The following RBM6 variants were observed in gnomAD, a reference collection of about 807,000 sequenced individuals.
RBM6 encodes the protein RNA binding motif protein 6, also known as RNA-binding protein 6.
A neutral mutation model predicts 140.4 loss-of-function variants in RBM6; 23 were observed. The ratio of observed to expected loss-of-function variants is 0.16; its 90% CI spans 0.12 to 0.23. RBM6 has a LOEUF of 0.23. Among genes scored for constraint, RBM6 ranks in the 10% least tolerant of loss-of-function variants. The pLI, the probability that RBM6 is intolerant of heterozygous loss-of-function variation, is 1.00. For missense variants in RBM6, 1,139 were observed against 1,386.7 expected (o/e 0.82, Z 2.84); for synonymous variants, 439 against 475.6 (o/e 0.92, Z 1.00).
At chr3:50,007,370 A>G (rs1559578154) in intron 6 of RBM6, among the ~76,000 whole-genome samples, 1 of 150,562 alleles carries the variant, frequency 6.6e-6, no homozygotes, top group Non-Finnish European at 1.5e-5. Flanking sequence ...GTATTTTTGT[A>G]GAGACGGGGT....
chr3:50,028,014 ACCC>A (rs1191823062), intron 6 of RBM6, among the ~76,000 whole-genome samples: 2 of 150,566 alleles, frequency 1.3e-5, no homozygotes, highest in Non-Finnish European at 2.9e-5. Flanking sequence ...TATTTGCATT[ACCC>A]ATTTGAATTC....
At chr3:49,940,587 C>A (rs1359989332) in intron 1 of RBM6, 1 of 155,598 alleles carries the variant, frequency 6.4e-6, no homozygotes, top group African/African-American at 2.4e-5. Context: ...TGTTTCAGAT[C>A]CAATTCTGTG....
At chr3:49,959,188 C>CTTTTT (rs35892482) in intron 1 of RBM6, among the ~76,000 whole-genome samples, 2 of 124,950 alleles carry the variant, frequency 1.6e-5, no homozygotes, top group African/African-American at 3.1e-5. Flanking sequence ...GATTTTTTTC[C>CTTTTT]TTTTTTTTTT....
intron 5 of RBM6, among the ~76,000 whole-genome samples, chr3:49,987,854 G>A (rs924220999): frequency 3.3e-5 from 5 of 152,120 alleles, no homozygotes; most frequent in East Asian, 1.9e-4. Flanking sequence ...GGCCAGGCTG[G>A]TCTAGAACTC....
chr3:49,999,403 A>G, intron 5 of RBM6, 37 bp from the exon 6 acceptor site: 1 of 1,567,168 alleles, frequency 6.4e-7, no homozygotes, highest in Non-Finnish European at 8.8e-7. Flanking sequence ...GCAAGGCACT[A>G]ACACCACTCC....
At chr3:50,074,483 G>A (rs573842030) in intron 19 of RBM6, among the ~76,000 whole-genome samples, 12 of 152,036 alleles carry the variant, frequency 7.9e-5, no homozygotes, top group South Asian at 2.1e-4. Flanking sequence ...CACCACACCC[G>A]GCTAATTTTG....
chr3:49,956,986 A>AT (rs1475699845), intron 1 of RBM6, among the ~76,000 whole-genome samples: 3 of 151,646 alleles, frequency 2.0e-5, no homozygotes, highest in Non-Finnish European at 4.4e-5. Flanking sequence ...TTTTTTATTT[A>AT]TTTTTTCTTT....
intron 1 of RBM6, among the ~76,000 whole-genome samples, chr3:49,955,142 TA>T (rs1456956918): frequency 2.0e-5 from 3 of 146,686 alleles, no homozygotes; most frequent in African/African-American, 7.5e-5. Flanking sequence ...TAGGGCCGCA[TA>T]GTATTTTTTT....
intron 4 of RBM6, among the ~76,000 whole-genome samples, chr3:49,973,832 C>T (rs576912432): frequency 1.4e-4 from 22 of 151,904 alleles, no homozygotes; most frequent in South Asian, 1.0e-3. Flanking sequence ...GTGATCCACC[C>T]GCCTCGGCCT....
rs148726195 is a variant in RBM6 at position 50,069,433 on chromosome 3, G to A, written c.3018+669G>A. Among the ~76,000 whole-genome samples the A allele has an allele frequency of 3.4e-3, 519 of 151,836 alleles. 2 individuals carry two copies. Among genetic ancestry groups the A allele is most frequent in the African/African-American group, 0.012 (494 of 41,358 alleles). On this transcript the variant is annotated intron_variant, in intron 18 of 20. Coordinates refer to ENST00000266022, the MANE Select transcript of RBM6 (RefSeq NM_005777.3). The stretch of plus-strand genomic sequence containing the variant: ...AGGCTGAGGGAGGATCGCATGAGCT[G>A]GGAGGCAGAGGTTGCAGTGAGCTGA...
chr3:49,975,416 G>A (rs2108655403), intron 5 of RBM6, 24 bp downstream of exon 5: 4 of 1,581,142 alleles, frequency 2.5e-6, no homozygotes, highest in East Asian at 2.2e-5. Flanking sequence ...CTTGCATATG[G>A]CCTTGGGTTA....
chr3:49,962,066 G>A (rs1426917609), intron 1 of RBM6, among the ~76,000 whole-genome samples: 7 of 150,880 alleles, frequency 4.6e-5, no homozygotes, highest in African/African-American at 1.5e-4. Flanking sequence ...TGAGGCAGGA[G>A]AATTGCTTGA....
intron 5 of RBM6, among the ~76,000 whole-genome samples, chr3:49,983,060 G>T (rs2085385662): frequency 1.3e-5 from 2 of 152,154 alleles, no homozygotes; most frequent in South Asian, 4.2e-4. Context: ...GCTCAGGCTG[G>T]TCTTACACTC....
Position 50,066,520 on chromosome 3 carries a change from T to C in RBM6, c.2943+18T>C, listed in dbSNP as rs2090127037. The C allele has an allele frequency of 2.5e-6, 4 of 1,606,018 alleles. No individual in the cohort carries two copies. Among genetic ancestry groups the C allele is most frequent in the South Asian group, 2.2e-5 (2 of 90,794 alleles). On this transcript the variant is annotated intron_variant, in intron 17 of 20. Transcript: ENST00000266022. ...TGCACAAGGTATTAGGGGAAGGAGCTATGCCCTTTCAAACTGTTGACTCTT... is the reference window on the plus strand; with the variant it reads ...TGCACAAGGTATTAGGGGAAGGAGCCATGCCCTTTCAAACTGTTGACTCTT...
At chr3:50,058,777 G>C (rs551521646) in intron 10 of RBM6, 3 of 341,042 alleles carry the variant, frequency 8.8e-6, no homozygotes, top group South Asian at 4.3e-5. Flanking sequence ...TTAGCTGGGC[G>C]TGGTGGCAGG....
At chr3:49,994,221 A>G (rs1447330689) in intron 5 of RBM6, among the ~76,000 whole-genome samples, 5 of 150,720 alleles carry the variant, frequency 3.3e-5, no homozygotes, top group African/African-American at 1.2e-4. Flanking sequence ...GTGCTCCCAC[A>G]CCTGGCTAAT....
intron 5 of RBM6, among the ~76,000 whole-genome samples, chr3:49,979,228 C>G (rs923024455): frequency 6.6e-6 from 1 of 151,982 alleles, no homozygotes; most frequent in Non-Finnish European, 1.5e-5. Flanking sequence ...AAGGCACACC[C>G]GTAGAGATAG....
chr3:50,004,144 G>T (rs1170301040), intron 6 of RBM6, among the ~76,000 whole-genome samples: 1 of 152,082 alleles, frequency 6.6e-6, no homozygotes, highest in East Asian at 1.9e-4. Context: ...AAGTATGCTG[G>T]TGTGATGCTT....
chr3:49,981,251 A>G (rs1027441885), intron 5 of RBM6, among the ~76,000 whole-genome samples: 6 of 152,200 alleles, frequency 3.9e-5, no homozygotes, highest in Non-Finnish European at 7.4e-5. Flanking sequence ...GAAGACTGCA[A>G]TCAACAGCTT....
Sources: allele counts gnomAD v4.1 joint callset (sites outside exome capture counted in the v4.1 genomes callset), GRCh38; gene constraint gnomAD v4.1.1; transcripts MANE v1.5; gene names NCBI Gene and HGNC (gene_info 2026-07-23, HGNC 2026-07-21).